The following LDAH variants were observed in gnomAD, a reference collection of about 807,000 sequenced individuals.
The protein encoded by LDAH is lipid droplet associated hydrolase, also known as lipid droplet-associated hydrolase.
LDAH carries 26 observed loss-of-function variants against 29.6 expected under a neutral mutation model. The ratio of observed to expected loss-of-function variants is 0.88; its 90% CI spans 0.64 to 1.22. LDAH has a LOEUF of 1.22. Ranked by LOEUF, LDAH falls within the 50% of genes most tolerant of loss-of-function variation. The pLI is 0.00. For synonymous variants in LDAH, 117 were observed against 133.0 expected (o/e 0.88, Z 0.83); for missense variants, 344 against 387.3 (o/e 0.89, Z 0.94).
chr2:20,686,915 C>T lies in LDAH; in HGVS notation c.966G>A (p.Leu322=). The T allele has an allele frequency of 6.2e-7, 1 of 1,613,024 alleles. No individual in the cohort carries two copies. Among genetic ancestry groups the T allele is most frequent in the South Asian group, 1.1e-5 (1 of 90,894 alleles). ...TCCTCAGGCCAATTTACATTTTGGA[C>T]AAGTCATCCTTTAGGGAGTCAGCAA... ...DMIADSLKDD[L]SKM is the part of the protein sequence containing the mutation. Residue 322 remains leucine (L), a synonymous_variant, in exon 7 of 7, where the codon TTG becomes TTA. Coordinates refer to ENST00000237822, the MANE Select transcript of LDAH (RefSeq NM_021925.4).
At chr2:20,782,010 C>T (rs1385345822) in intron 3 of LDAH, among the ~76,000 whole-genome samples, 1 of 152,192 alleles carries the variant, frequency 6.6e-6, no homozygotes, top group East Asian at 1.9e-4. Flanking sequence ...AGAATTAAAG[C>T]TGTTTCCTAA....
rs375801514 is a variant in LDAH, at chr2:20,790,297, C to T, written c.256G>A (p.Ala86Thr). The T allele has an allele frequency of 5.3e-5, 86 of 1,614,044 alleles. No individual in the cohort carries two copies. Among genetic ancestry groups the T allele is most frequent in the Non-Finnish European group, 6.9e-5 (82 of 1,180,022 alleles). The change falls in exon 3 of 7, where the codon GCG becomes ACG. Residue 86 changes from alanine to threonine, a missense_variant. Physicochemically the swap from Ala to Thr is moderately conservative, Grantham distance 58. Coordinates refer to ENST00000237822, the MANE Select transcript of LDAH (RefSeq NM_021925.4). ...ATCTTCTTGTCTTTGGGAGCCAACG[C>T]ATGCCCAGCATGACTGATAGTCCAA... ...PVWTISHAGH[A>T]LAPKDKKILT...
chr2:20,811,046 C>A (rs373720214), intron 1 of LDAH, among the ~76,000 whole-genome samples: 3 of 150,158 alleles, frequency 2.0e-5, no homozygotes, highest in African/African-American at 7.3e-5. Flanking sequence ...GAGACGGAGT[C>A]CCGCTCTCTC....
At chr2:20,811,913 T>A (rs1453075227) in intron 1 of LDAH, among the ~76,000 whole-genome samples, 1 of 152,038 alleles carries the variant, frequency 6.6e-6, no homozygotes, top group Admixed American at 6.6e-5. Context: ...TTGATAATAA[T>A]CAATCAAATG....
intron 5 of LDAH, among the ~76,000 whole-genome samples, chr2:20,722,617 T>C (rs1665737149): frequency 6.6e-6 from 1 of 152,186 alleles, no homozygotes. Flanking sequence ...AAAACAAAGA[T>C]AAATATTTGA....
At chr2:20,766,072 CT>C (rs545803356) in intron 4 of LDAH, among the ~76,000 whole-genome samples, 1,128 of 143,198 alleles carry the variant, frequency 7.9e-3, no homozygotes, top group Middle Eastern at 0.011. Flanking sequence ...GGTTTTCAAA[CT>C]TTTTTTTTTT....
intron 4 of LDAH, among the ~76,000 whole-genome samples, chr2:20,762,952 C>T (rs1170237259): frequency 3.9e-5 from 6 of 152,312 alleles, no homozygotes; most frequent in African/African-American, 1.2e-4. Context: ...TACTGCAAAG[C>T]GTCAGATTGA....
At chr2:20,802,516 C>T (rs1671779031) in intron 1 of LDAH, among the ~76,000 whole-genome samples, 1 of 152,168 alleles carries the variant, frequency 6.6e-6, no homozygotes, top group Admixed American at 6.5e-5. Flanking sequence ...TCCACCTCTG[C>T]CTCTGCCTTC....
chr2:20,756,551 C>CA (rs1668358284), intron 4 of LDAH, among the ~76,000 whole-genome samples: 1 of 151,812 alleles, frequency 6.6e-6, no homozygotes, highest in African/African-American at 2.4e-5. Context: ...AAGGATATTA[C>CA]AAAAAGGAAG....
In LDAH at chr2:20,712,676, T is replaced by C. The variant is rs1664858463; in HGVS notation, c.704-11024A>G. ...GTGAATGGCTAACTAGAATAAACAG[T>C]GTAGAGAAGACCTTAAATGACCTGA... On this transcript the variant is annotated intron_variant, in intron 5 of 6. Coordinates refer to ENST00000237822, the MANE Select transcript of LDAH (RefSeq NM_021925.4). Among the ~76,000 whole-genome samples the C allele has an allele frequency of 3.3e-5, 5 of 152,094 alleles. 1 individual carries two copies. Among genetic ancestry groups the C allele is most frequent in the Admixed American group, 3.3e-4 (5 of 15,278 alleles).
At chr2:20,726,725 T>G (rs376510413) in intron 5 of LDAH, among the ~76,000 whole-genome samples, 1 of 152,362 alleles carries the variant, frequency 6.6e-6, no homozygotes, top group Admixed American at 6.5e-5. Flanking sequence ...GTTTATTATG[T>G]ATTTCTCTAT....
At chr2:20,788,455 A>C (rs1361118679) in intron 3 of LDAH, among the ~76,000 whole-genome samples, 2 of 152,218 alleles carry the variant, frequency 1.3e-5, no homozygotes, top group African/African-American at 4.8e-5. Flanking sequence ...TTACAATTAA[A>C]AATAAATATA....
chr2:20,785,514 G>A (rs962205007), intron 3 of LDAH, among the ~76,000 whole-genome samples: 3 of 152,162 alleles, frequency 2.0e-5, no homozygotes, highest in Non-Finnish European at 2.9e-5. Flanking sequence ...GACATATGTA[G>A]GTGTAGAGCC....
intron 6 of LDAH, among the ~76,000 whole-genome samples, chr2:20,693,239 G>A (rs1663168299): frequency 7.1e-6 from 1 of 140,248 alleles, no homozygotes; most frequent in South Asian, 2.7e-4. Flanking sequence ...AGGACAAAGG[G>A]AGCTCCTCGA....
chr2:20,722,331 G>C (rs1355219071), intron 5 of LDAH, among the ~76,000 whole-genome samples: 1 of 138,972 alleles, frequency 7.2e-6, no homozygotes, highest in Non-Finnish European at 1.5e-5. Context: ...AGTGAGCCGA[G>C]ATTGCGCCAC....
At chr2:20,739,161 C>T (rs1667007272) in intron 5 of LDAH, among the ~76,000 whole-genome samples, 1 of 152,144 alleles carries the variant, frequency 6.6e-6, no homozygotes, top group Admixed American at 6.5e-5. Flanking sequence ...TTGAGGAACA[C>T]AGGTAAAAGC....
rs187910528 is a variant in LDAH, at chr2:20,809,986, T to C, written c.-2-8521A>G. 7.0e-4 allele frequency among the ~76,000 whole-genome samples: 106 copies of C among 152,294 alleles called. No individual in the cohort carries two copies. In the East Asian group the frequency reaches 9.4e-3, roughly 14 times the overall value. ...GAAAATAAAGTGTTCTCAGGAAACA[T>C]TGGGTGTTCCAGTTACTCTCGCTAT... On this transcript the variant is annotated intron_variant, in intron 1 of 6. Coordinates refer to ENST00000237822, the MANE Select transcript of LDAH (RefSeq NM_021925.4).
chr2:20,691,175 T>G (rs552386638), intron 6 of LDAH, among the ~76,000 whole-genome samples: 3 of 151,958 alleles, frequency 2.0e-5, no homozygotes, highest in South Asian at 4.2e-4. Flanking sequence ...CCACCTTTAT[T>G]TTTATTTACT....
chr2:20,759,103 C>G (rs1668517023), intron 4 of LDAH, among the ~76,000 whole-genome samples: 1 of 152,186 alleles, frequency 6.6e-6, no homozygotes, highest in Admixed American at 6.5e-5. Context: ...GGCTGAATCT[C>G]TAACACTCAA....
Sources: gnomAD v4.1 joint callset for allele counts (sites outside exome capture counted in the v4.1 genomes callset) on GRCh38, gnomAD v4.1.1 for gene constraint, MANE v1.5 for transcripts, NCBI Gene and HGNC (gene_info 2026-07-23, HGNC 2026-07-21) for gene names.